The following DPYSL4 variants were observed in gnomAD, a reference collection of about 807,000 sequenced individuals.
DPYSL4 encodes the protein dihydropyrimidinase like 4, also known as dihydropyrimidinase-related protein 4.
DPYSL4 carries 43 observed loss-of-function variants against 63.4 expected under a neutral mutation model. The observed-to-expected ratio is 0.68, with a 90% CI of 0.53 to 0.88. The LOEUF (loss-of-function observed/expected upper bound fraction) is 0.88. DPYSL4 is among the 40% of genes least tolerant of loss of function. The probability of loss-of-function intolerance (pLI) is 0.00; values close to 1 mark genes in which losing one functional copy is unlikely to be tolerated. For synonymous variants in DPYSL4, 353 were observed against 331.7 expected (o/e 1.06, Z -0.70); for missense variants, 733 against 819.5 (o/e 0.89, Z 1.29).
chr10:132,202,716 G>C lies in DPYSL4; in HGVS notation c.1352G>C (p.Arg451Pro). The C allele has an allele frequency of 1.2e-6, 2 of 1,613,482 alleles. No individual in the cohort carries two copies. Among genetic ancestry groups the C allele is most frequent in the Non-Finnish European group, 1.7e-6 (2 of 1,180,000 alleles). The change falls in exon 12 of 14, where the codon CGA becomes CCA. Residue 451 changes from arginine (R) to proline (P), a missense_variant. Arg to Pro is a moderately radical substitution (Grantham distance 103). Transcript: ENST00000338492. ...GAPAVVISQG[R>P]VALEDGKMFV... ...CCTGCCGTGGTCATAAGTCAGGGCC[G>C]AGTGGCGCTGGAGGACGGGAAGATG...
At chr10:132,201,062 C>T in intron 10 of DPYSL4, 79 bp downstream of exon 10, 8 of 1,551,220 alleles carry the variant, frequency 5.2e-6, no homozygotes, top group Middle Eastern at 1.7e-4. Context: ...AGAAGGGAGC[C>T]CATCTAACCA....
intron 2 of DPYSL4, among the ~76,000 whole-genome samples, chr10:132,191,363 C>CCT: frequency 7.5e-6 from 1 of 133,692 alleles, no homozygotes; most frequent in East Asian, 2.4e-4. Flanking sequence ...TATGTTCCCA[C>CCT]CTCTTGTGTA....
Position 132,199,023 on chromosome 10 carries a change from T to C in DPYSL4, c.811+52T>C, listed in dbSNP as rs747946228. ...CCGAGGGGCCATGGTCTCGGCCTCC[T>C]GGGTGCAGCCCTGGGGAGATGCAGG... On this transcript the variant is annotated intron_variant, in intron 8 of 13. Coordinates refer to ENST00000338492, the MANE Select transcript of DPYSL4 (RefSeq NM_006426.3). 3.1e-6 allele frequency: 5 copies of C among 1,588,384 alleles called. No individual in the cohort carries two copies. In the Admixed American group the frequency reaches 6.8e-5, roughly 22 times the overall value.
At chr10:132,188,449 A>C (rs929918420) in intron 1 of DPYSL4, among the ~76,000 whole-genome samples, 4 of 152,154 alleles carry the variant, frequency 2.6e-5, no homozygotes, top group African/African-American at 9.7e-5. Context: ...AGGGGTGGAA[A>C]GTGAAGAAGA....
At chr10:132,194,824 C>G in intron 3 of DPYSL4, 21 bp from the exon 4 acceptor site, 2 of 1,606,700 alleles carry the variant, frequency 1.2e-6, no homozygotes, top group Non-Finnish European at 1.7e-6. Flanking sequence ...GGGGAAGCTG[C>G]TGACCATGCT....
At chr10:132,200,714 C>T in intron 9 of DPYSL4, 128 bp from the exon 10 acceptor site, 1 of 1,398,306 alleles carries the variant, frequency 7.2e-7, no homozygotes. Context: ...GAGGCACCAG[C>T]TCTGCCCAGC....
At chr10:132,204,111 C>T (rs2062061479) in intron 13 of DPYSL4, among the ~76,000 whole-genome samples, 184 bp downstream of exon 13, 1 of 152,044 alleles carries the variant, frequency 6.6e-6, no homozygotes, top group Non-Finnish European at 1.5e-5. Context: ...TTAGGGAGGC[C>T]CCTCCTGCCC....
In DPYSL4 at chr10:132,204,788, GGCCCCT is replaced by G. The variant is rs200127087; in HGVS notation, c.1628-41_1628-36del. The G allele has an allele frequency of 1.7e-3, 2,608 of 1,508,020 alleles. 13 individuals are homozygous for G. Among genetic ancestry groups the G allele is most frequent in the African/African-American group, 0.012 (838 of 71,986 alleles). 93.4% of individuals were successfully genotyped at this position (1,508,020 alleles called of 1,614,324 possible). A position where few individuals can be genotyped will look rare whatever the true frequency, so the allele number is the denominator to read the frequency against. The stretch of plus-strand genomic sequence containing the variant: ...CTCTGCCTCACGCCTTGAATAGAAG[GGCCCCT>G]GCCCCTGCCTCATTCTCCCCTGCCC... On this transcript the variant is annotated intron_variant, in intron 13 of 13. Transcript: ENST00000338492.
In DPYSL4 at chr10:132,192,751, A is replaced by G; in HGVS notation, c.222A>G (p.Thr74=). 4 of 1,613,302 alleles carry G rather than the reference A, an allele frequency of 2.5e-6. No homozygotes were observed. Among genetic ancestry groups the G allele is most frequent in the Non-Finnish European group, 3.4e-6 (4 of 1,179,948 alleles). The change falls in exon 3 of 14, where the codon ACA becomes ACG. Residue 74 remains threonine, a synonymous_variant. Transcript: ENST00000338492. ...MVLPGGVDVH[T]RLQMPVLGMT... is the part of the protein sequence containing the mutation. ...TTCCTGGTGGCGTTGACGTCCACAC[A>G]AGGCTGCAGATGCCTGTCCTGGGCA...
At chr10:132,190,716 G>A in intron 1 of DPYSL4, 31 bp from the exon 2 acceptor site, 2 of 1,599,172 alleles carry the variant, frequency 1.3e-6, no homozygotes, top group Non-Finnish European at 1.7e-6. Context: ...ACTCAGTTTG[G>A]AGAAAAATTA....
chr10:132,192,690 G>T lies in DPYSL4; in HGVS notation c.161G>T (p.Gly54Val). The T allele has an allele frequency of 1.9e-6, 3 of 1,612,246 alleles. No homozygotes were observed. Among genetic ancestry groups the T allele is most frequent in the Non-Finnish European group, 2.5e-6 (3 of 1,179,428 alleles). The change falls in exon 3 of 14, where the codon GGC (glycine) becomes GTC (valine). Residue 54 changes from glycine (G) to valine (V), a missense_variant. Coordinates refer to ENST00000338492, the MANE Select transcript of DPYSL4 (RefSeq NM_006426.3). Reference sequence around the variant, plus strand: ...GGAGAAAACCTCATCGTCCCTGGGGGCATCAAGACCATTGACGCCCACGGC... The same window carrying T: ...GGAGAAAACCTCATCGTCCCTGGGGTCATCAAGACCATTGACGCCCACGGC... ...QIGENLIVPG[G>V]IKTIDAHGLM...
At chr10:132,192,947 C>A in intron 3 of DPYSL4, 105 bp downstream of exon 3, 1 of 1,167,640 alleles carries the variant, frequency 8.6e-7, no homozygotes, top group Non-Finnish European at 1.2e-6. Context: ...AGGTGCCTTT[C>A]TCAGCTGTCT....
At chr10:132,192,406 A>G (rs1360874004) in intron 2 of DPYSL4, 6 of 1,143,182 alleles carry the variant, frequency 5.2e-6, no homozygotes, top group Non-Finnish European at 5.4e-6. Context: ...CCAACCAGGG[A>G]CCTGAGTGGA....
At chr10:132,203,599 C>A (rs983004300) in intron 12 of DPYSL4, 163 bp from the exon 13 acceptor site, 73 of 640,708 alleles carry the variant, frequency 1.1e-4, no homozygotes, top group Admixed American at 2.4e-4. Context: ...GGTTGAGCAC[C>A]CCCCCAGGGC....
intron 4 of DPYSL4, among the ~76,000 whole-genome samples, chr10:132,195,824 G>A (rs1364935889): frequency 6.6e-6 from 1 of 152,240 alleles, no homozygotes; most frequent in Non-Finnish European, 1.5e-5. Flanking sequence ...TTCTGTGAGT[G>A]GACTCGGGAG....
intron 2 of DPYSL4, among the ~76,000 whole-genome samples, chr10:132,191,075 GC>G (rs2061868967): frequency 1.5e-5 from 2 of 136,790 alleles, no homozygotes; most frequent in Admixed American, 7.4e-5. Flanking sequence ...CCAGGCAGGT[GC>G]AAATAGTTCC....
rs1215162246 is a variant in DPYSL4, at chr10:132,202,655, TACA to T, written c.1295_1297del (p.Asn432del). The T allele has an allele frequency of 6.2e-6, 10 of 1,612,522 alleles. No homozygotes were observed. Among genetic ancestry groups the T allele is most frequent in the East Asian group, 4.5e-5 (2 of 44,866 alleles). ...GGGCCTCTCTCCCCAGAACGTGGAG[TACA>T]ACATCTTCGAGGGAGTGGAGTGCCG... is the stretch of plus-strand genomic sequence containing the variant. On this transcript the variant is annotated inframe_deletion, in exon 12 of 14. Transcript: ENST00000338492.
At chr10:132,187,936 C>T (rs1349433271) in intron 1 of DPYSL4, among the ~76,000 whole-genome samples, 1 of 152,140 alleles carries the variant, frequency 6.6e-6, no homozygotes, top group Non-Finnish European at 1.5e-5. Flanking sequence ...CCAGACCCGA[C>T]TCTGGACTTG....
At chr10:132,191,843 A>C (rs1180531619) in intron 2 of DPYSL4, among the ~76,000 whole-genome samples, 1 of 95,448 alleles carries the variant, frequency 1.0e-5, no homozygotes, top group Non-Finnish European at 2.1e-5. Context: ...GGCAGTTGAA[A>C]GTATGTTCCC....
Sources: allele counts gnomAD v4.1 joint callset (sites outside exome capture counted in the v4.1 genomes callset), GRCh38; gene constraint gnomAD v4.1.1; transcripts MANE v1.5; gene names NCBI Gene and HGNC (gene_info 2026-07-23, HGNC 2026-07-21).